The following SLC35F2 variants were observed in gnomAD, a reference collection of about 807,000 sequenced individuals.
SLC35F2 encodes the protein solute carrier family 35 member F2, also known as queuine/queuosine transporter SLC35F2.
SLC35F2 carries 25 observed loss-of-function variants against 38.1 expected under a neutral mutation model. The ratio of observed to expected loss-of-function variants is 0.66; its 90% CI spans 0.48 to 0.92. The LOEUF (loss-of-function observed/expected upper bound fraction) is 0.92. Among genes scored for constraint, SLC35F2 ranks in the 40% least tolerant of loss-of-function variants. SLC35F2 has a pLI of 0.00. For synonymous variants in SLC35F2, 173 were observed against 181.7 expected (o/e 0.95, Z 0.38); for missense variants, 409 against 452.9 (o/e 0.90, Z 0.88).
At chr11:107,847,694 C>G (rs12273447) in intron 1 of SLC35F2, among the ~76,000 whole-genome samples, 1 of 152,170 alleles carries the variant, frequency 6.6e-6, no homozygotes, top group Non-Finnish European at 1.5e-5. Flanking sequence ...GGGCACCCAA[C>G]TGAAAATGTG....
At position 107,815,642 on chromosome 11, in the gene SLC35F2, A is replaced by G. The variant is rs1859560278; in HGVS notation, c.286+148T>C. 6 of 827,934 alleles carry G rather than the reference A, an allele frequency of 7.2e-6. No homozygotes were observed. In the South Asian group the frequency reaches 1.2e-4, roughly 16 times the overall value. The allele number at this position is 827,934 out of a possible 1,614,324, so 51.3% of individuals were successfully genotyped here. ...GGACAACTTCTGTGTTACAAACAGT[A>G]TGGTGCTACTTACTTTAATCAACAA... is the stretch of plus-strand genomic sequence containing the variant. On this transcript the variant is annotated intron_variant, in intron 2 of 7. Coordinates refer to ENST00000525815, the MANE Select transcript of SLC35F2 (RefSeq NM_017515.5).
Position 107,815,944 on chromosome 11 carries a change from G to C in SLC35F2, c.132C>G (p.Ala44=), listed in dbSNP as rs759511783. 1.2e-6 allele frequency: 2 copies of C among 1,603,454 alleles called. No individual in the cohort carries two copies. The highest frequency in any genetic ancestry group is 2.2e-5 in the South Asian group (2 of 89,632). ...LFTWNILKTI[A]LGQMLSLCIC... is the part of the protein sequence containing the mutation. ...TACACAAGGACAACATCTGACCCAG[G>C]GCAATTGTTTTCAAAATATTCCTAG... The change falls in exon 2 of 8, where the codon GCC becomes GCG. Residue 44 remains alanine (A), a synonymous_variant. Transcript: ENST00000525815.
chr11:107,806,157 A>T (rs576986387), intron 4 of SLC35F2, among the ~76,000 whole-genome samples: 1 of 152,182 alleles, frequency 6.6e-6, no homozygotes, highest in Non-Finnish European at 1.5e-5. Flanking sequence ...TCATAATTTA[A>T]CTCCTCAGAA....
At chr11:107,827,393 T>A (rs1364347680) in intron 1 of SLC35F2, among the ~76,000 whole-genome samples, 2 of 150,704 alleles carry the variant, frequency 1.3e-5, no homozygotes, top group African/African-American at 2.4e-5. Flanking sequence ...GGTGGGTGGA[T>A]CACTTGAGGT....
intron 4 of SLC35F2, 82 bp from the exon 5 acceptor site, chr11:107,805,597 C>A: frequency 1.3e-6 from 2 of 1,503,708 alleles, no homozygotes; most frequent in South Asian, 1.3e-5. Flanking sequence ...TCATCTGACT[C>A]GTGTTCATTT....
intron 2 of SLC35F2, among the ~76,000 whole-genome samples, chr11:107,814,951 AC>A (rs1859543433): frequency 6.6e-6 from 1 of 151,954 alleles, no homozygotes. Context: ...GGTGGTGTGC[AC>A]CTGTAGTCCC....
chr11:107,809,772 G>A, intron 3 of SLC35F2: 1 of 984,598 alleles, frequency 1.0e-6, no homozygotes, highest in Non-Finnish European at 1.2e-6. Flanking sequence ...ATAAAAACAA[G>A]TTAGATCATA....
At chr11:107,809,405 T>G (rs1591189710) in intron 3 of SLC35F2, among the ~76,000 whole-genome samples, 2 of 134,284 alleles carry the variant, frequency 1.5e-5, no homozygotes, top group African/African-American at 5.7e-5. Flanking sequence ...AAGGCTGCAG[T>G]GAACCAAGAT....
intron 1 of SLC35F2, among the ~76,000 whole-genome samples, chr11:107,833,003 A>G (rs1177126134): frequency 2.6e-5 from 4 of 152,318 alleles, no homozygotes; most frequent in African/African-American, 7.2e-5. Flanking sequence ...TGAGATTTCC[A>G]AACTGCTGAC....
At chr11:107,829,828 A>C (rs961015143) in intron 1 of SLC35F2, among the ~76,000 whole-genome samples, 1 of 152,148 alleles carries the variant, frequency 6.6e-6, no homozygotes, top group African/African-American at 2.4e-5. Flanking sequence ...CAATCCCTTC[A>C]ATTATAAACA....
chr11:107,792,949 C>T, intron 7 of SLC35F2, 149 bp from the exon 8 acceptor site: 1 of 1,330,880 alleles, frequency 7.5e-7, no homozygotes, highest in Non-Finnish European at 9.6e-7. Context: ...CAGGGTCTCG[C>T]TCTGTGGCCC....
chr11:107,843,648 T>C (rs1860047045), intron 1 of SLC35F2, among the ~76,000 whole-genome samples: 1 of 150,998 alleles, frequency 6.6e-6, no homozygotes, highest in Non-Finnish European at 1.5e-5. Context: ...TTGAGCCAGG[T>C]GTTCAAGATC....
intron 1 of SLC35F2, among the ~76,000 whole-genome samples, chr11:107,827,229 T>C (rs1442145140): frequency 6.6e-6 from 1 of 152,120 alleles, no homozygotes; most frequent in Non-Finnish European, 1.5e-5. Flanking sequence ...TCCTATCTCT[T>C]TCCCCTAAAA....
At chr11:107,812,925 G>A (rs1416079955) in intron 2 of SLC35F2, among the ~76,000 whole-genome samples, 1 of 152,176 alleles carries the variant, frequency 6.6e-6, no homozygotes, top group Admixed American at 6.5e-5. Flanking sequence ...CGATAAGCTT[G>A]AGAAAAGGCT....
chr11:107,826,216 A>G (rs1217764867), intron 1 of SLC35F2, among the ~76,000 whole-genome samples: 2 of 152,162 alleles, frequency 1.3e-5, no homozygotes, highest in African/African-American at 4.8e-5. Context: ...TGTGGAGAAA[A>G]ATGGGTATGG....
chr11:107,821,573 T>C, intron 1 of SLC35F2: 2 of 985,474 alleles, frequency 2.0e-6, no homozygotes, highest in Non-Finnish European at 2.4e-6. Context: ...TCCACTTTCA[T>C]GTTTGTATAA....
intron 1 of SLC35F2, chr11:107,821,631 CT>C (rs1859674834): frequency 2.0e-6 from 2 of 985,040 alleles, no homozygotes; most frequent in African/African-American, 3.5e-5. Context: ...GAGGAACCCT[CT>C]ATACCATAAC....
rs570129998 is a variant in SLC35F2 at position 107,854,082 on chromosome 11, A to G, written c.110+4576T>C. Among the ~76,000 whole-genome samples the G allele has an allele frequency of 2.0e-5, 3 of 152,270 alleles. No individual in the cohort carries two copies. The South Asian group carries it at 6.2e-4, about 32-fold the overall frequency. On this transcript the variant is annotated intron_variant, in intron 1 of 7. Coordinates refer to ENST00000525815, the MANE Select transcript of SLC35F2 (RefSeq NM_017515.5). The stretch of plus-strand genomic sequence containing the variant: ...AACTAAAATTAAAAATTAAAAACAT[A>G]CATATGAATAAATTAGGATCTATGT...
At chr11:107,813,460 G>A (rs549560550) in intron 2 of SLC35F2, among the ~76,000 whole-genome samples, 20 of 152,128 alleles carry the variant, frequency 1.3e-4, no homozygotes, top group East Asian at 3.9e-4. Flanking sequence ...GCGAAACTCC[G>A]TCTCAGAAGA....
Sources: allele counts gnomAD v4.1 joint callset (sites outside exome capture counted in the v4.1 genomes callset), GRCh38; gene constraint gnomAD v4.1.1; transcripts MANE v1.5; gene names NCBI Gene and HGNC (gene_info 2026-07-23, HGNC 2026-07-21).